The following RANBP2 variants were observed in gnomAD, a reference collection of about 807,000 sequenced individuals.
RANBP2 encodes RAN binding protein 2.
A neutral mutation model predicts 303.6 loss-of-function variants in RANBP2; 57 were observed. The observed-to-expected ratio is 0.19, with a 90% confidence interval of 0.15 to 0.23. The LOEUF (loss-of-function observed/expected upper bound fraction) is 0.23, where lower values mean the gene tolerates loss of function less well. Ranked by LOEUF, RANBP2 falls within the 10% of genes least tolerant of loss-of-function variation. The probability of loss-of-function intolerance (pLI) is 1.00; values close to 1 mark genes in which losing one functional copy is unlikely to be tolerated. For synonymous variants in RANBP2, 1,167 were observed against 1,301.5 expected (o/e 0.90, Z 2.23); for missense variants, 3,138 against 3,780.8 (o/e 0.83, Z 4.46).
At chr2:108,965,520 G>A in the RANBP2 span, among the ~76,000 whole-genome samples, 1 of 151,438 alleles carries the variant, frequency 6.6e-6, no homozygotes, top group Admixed American at 6.6e-5. Flanking sequence ...CAGGTCTTTT[G>A]GGGAGAGAAA....
the RANBP2 span, chr2:108,798,446 C>G: frequency 6.2e-7 from 1 of 1,612,968 alleles, no homozygotes; most frequent in Non-Finnish European, 8.5e-7. Context: ...TGCAGCACAA[C>G]AGAAATTTGC....
chr2:109,097,900 C>T, the RANBP2 span, among the ~76,000 whole-genome samples: 1 of 152,090 alleles, frequency 6.6e-6, no homozygotes, highest in African/African-American at 2.4e-5. Context: ...GCATGTCTTC[C>T]TGTCTCACCA....
the RANBP2 span, among the ~76,000 whole-genome samples, chr2:109,639,003 C>T: frequency 6.6e-6 from 1 of 152,158 alleles, no homozygotes; most frequent in Non-Finnish European, 1.5e-5. Flanking sequence ...TAAGAGACGT[C>T]GCCTGGACTT....
chr2:108,985,470 C>T, the RANBP2 span, among the ~76,000 whole-genome samples: 1 of 152,222 alleles, frequency 6.6e-6, no homozygotes, highest in South Asian at 2.1e-4. Context: ...CTGTAGGGCT[C>T]CTTACGGCCC....
At chr2:108,787,034 C>T, downstream of RANBP2, 2 of 540,586 alleles carry the variant, frequency 3.7e-6, no homozygotes, top group South Asian at 1.7e-4. Context: ...CCGGCACTCC[C>T]GCCGTGGCTG....
At chr2:109,531,726 C>T in the RANBP2 span, among the ~76,000 whole-genome samples, 2 of 152,180 alleles carry the variant, frequency 1.3e-5, no homozygotes, top group African/African-American at 2.4e-5. Flanking sequence ...GGCTCTGTCA[C>T]GTCAAATACT....
rs1422023955 is a variant in RANBP2, at chr2:108,728,932, C to G, written c.73-200C>G. On this transcript the variant is annotated intron_variant, in intron 1 of 28. Coordinates refer to ENST00000283195, the MANE Select transcript of RANBP2 (RefSeq NM_006267.5). The stretch of plus-strand genomic sequence containing the variant: ...GTGCTGGGATTACAGGCATGAGCCG[C>G]TGCACCCAGCTCTATTTTTTGTTTT... 5.3e-5 allele frequency among the ~76,000 whole-genome samples: 8 copies of G among 152,200 alleles called. No individual in the cohort carries two copies. The South Asian group carries it at 1.7e-3, about 32-fold the overall frequency.
chr2:109,399,848 G>T, the RANBP2 span, among the ~76,000 whole-genome samples: 2 of 152,184 alleles, frequency 1.3e-5, no homozygotes, highest in Non-Finnish European at 2.9e-5. Flanking sequence ...ATTGTTGTCT[G>T]ACCTTCTGCA....
the RANBP2 span, among the ~76,000 whole-genome samples, chr2:109,427,529 C>T: frequency 2.0e-5 from 3 of 152,114 alleles, no homozygotes; most frequent in African/African-American, 7.2e-5. Context: ...AGGGTGAGGC[C>T]CCAGAATCTC....
At chr2:108,952,879 TGTCA>T in the RANBP2 span, among the ~76,000 whole-genome samples, 1 of 152,250 alleles carries the variant, frequency 6.6e-6, no homozygotes, top group African/African-American at 2.4e-5. Context: ...CTCCCAAACC[TGTCA>T]GTCTTGACTT....
the RANBP2 span, among the ~76,000 whole-genome samples, chr2:109,556,372 TTAA>T: frequency 6.6e-6 from 1 of 152,216 alleles, no homozygotes; most frequent in Non-Finnish European, 1.5e-5. Context: ...TTAAATCTTA[TTAA>T]TCTTAAATTT....
At chr2:109,193,839 G>A in the RANBP2 span, among the ~76,000 whole-genome samples, 3 of 152,168 alleles carry the variant, frequency 2.0e-5, no homozygotes, top group Non-Finnish European at 4.4e-5. Flanking sequence ...CCTGATTTAA[G>A]TCTCGTCTAG....
chr2:109,181,426 G>A, the RANBP2 span, among the ~76,000 whole-genome samples: 1 of 152,122 alleles, frequency 6.6e-6, no homozygotes, highest in African/African-American at 2.4e-5. Context: ...AGTCTAGAAT[G>A]GCATGTTGCA....
At chr2:108,823,410 C>T in the RANBP2 span, among the ~76,000 whole-genome samples, 3 of 152,170 alleles carry the variant, frequency 2.0e-5, no homozygotes, top group African/African-American at 7.2e-5. Context: ...CTGAATTCAA[C>T]AGTACAGTCA....
chr2:109,408,928 C>T, the RANBP2 span, among the ~76,000 whole-genome samples: 1 of 152,182 alleles, frequency 6.6e-6, no homozygotes. Flanking sequence ...AGGCCATGAG[C>T]GGAGGCCATC....
the RANBP2 span, among the ~76,000 whole-genome samples, chr2:109,559,580 T>A: frequency 6.6e-6 from 1 of 152,252 alleles, no homozygotes; most frequent in Non-Finnish European, 1.5e-5. Flanking sequence ...GATTTCTGAC[T>A]ACCTATCATT....
At chr2:108,996,088 T>C in the RANBP2 span, among the ~76,000 whole-genome samples, 1 of 152,224 alleles carries the variant, frequency 6.6e-6, no homozygotes, top group South Asian at 2.1e-4. Flanking sequence ...TGGGGTATCA[T>C]TCATAGTATA....
At chr2:109,084,182 A>G in the RANBP2 span, among the ~76,000 whole-genome samples, 2 of 152,172 alleles carry the variant, frequency 1.3e-5, no homozygotes, top group South Asian at 2.1e-4. Context: ...AGGAAAACCT[A>G]CAATTCAAGA....
chr2:109,129,672 G>A, the RANBP2 span: 2 of 1,518,370 alleles, frequency 1.3e-6, no homozygotes, highest in Non-Finnish European at 1.8e-6. Flanking sequence ...GGGCGGGCGA[G>A]GACATGGACG....
Sources: gnomAD v4.1 joint callset for allele counts (sites outside exome capture counted in the v4.1 genomes callset) on GRCh38, gnomAD v4.1.1 for gene constraint, MANE v1.5 for transcripts, NCBI Gene and HGNC (gene_info 2026-07-23, HGNC 2026-07-21) for gene names.